CA10: variants seen among roughly 807,000 people sequenced by gnomAD.
CA10 encodes carbonic anhydrase 10 (inactive).
Under a neutral mutation model 44.2 loss-of-function variants are expected in CA10, and 14 were observed. The ratio of observed to expected loss-of-function variants is 0.32; its 90% CI spans 0.21 to 0.50. The LOEUF (loss-of-function observed/expected upper bound fraction) is 0.50, where lower values mean the gene tolerates loss of function less well. Ranked by LOEUF, CA10 falls within the 20% of genes least tolerant of loss-of-function variation. The pLI is 0.99. For synonymous variants in CA10, 159 were observed against 141.6 expected, an observed-to-expected ratio of 1.12 and a Z score of -0.87; for missense variants, 350 against 409.7, an observed-to-expected ratio of 0.85 and a Z score of 1.26.
chr17:51,661,181 C>A (rs1339284129), intron 4 of CA10, among the ~76,000 whole-genome samples: 1 of 152,170 alleles, frequency 6.6e-6, no homozygotes, highest in South Asian at 2.1e-4. Flanking sequence ...ATCTTATTGG[C>A]CCCTGTGACA....
chr17:52,004,672 C>T (rs972532916), intron 2 of CA10, among the ~76,000 whole-genome samples: 2 of 151,836 alleles, frequency 1.3e-5, no homozygotes, highest in African/African-American at 4.8e-5. Context: ...CTTATTTTCA[C>T]ATCATTTCTA....
intron 2 of CA10, among the ~76,000 whole-genome samples, chr17:52,058,752 C>T (rs1056675255): frequency 6.6e-6 from 1 of 152,156 alleles, no homozygotes; most frequent in African/African-American, 2.4e-5. Flanking sequence ...AAAGCCTTTT[C>T]TGACCCCAAA....
intron 2 of CA10, among the ~76,000 whole-genome samples, chr17:51,943,690 C>T (rs765438465): frequency 5.3e-5 from 8 of 152,260 alleles, no homozygotes; most frequent in South Asian, 2.1e-4. Context: ...AAGTCTATGG[C>T]GGGATCCAGA....
chr17:51,861,410 T>C (rs1979299883), intron 3 of CA10, among the ~76,000 whole-genome samples: 1 of 152,058 alleles, frequency 6.6e-6, no homozygotes, highest in East Asian at 1.9e-4. Flanking sequence ...AGAAAAAAGA[T>C]GTACATACAG....
chr17:51,883,253 CT>C (rs889242349), intron 3 of CA10, among the ~76,000 whole-genome samples: 1 of 152,096 alleles, frequency 6.6e-6, no homozygotes, highest in Non-Finnish European at 1.5e-5. Context: ...TTCTTTCTCT[CT>C]TCTAATTTTT....
intron 4 of CA10, among the ~76,000 whole-genome samples, chr17:51,682,602 G>A (rs190067879): frequency 2.0e-5 from 3 of 152,174 alleles, no homozygotes; most frequent in Non-Finnish European, 4.4e-5. Context: ...AAAACCCAGC[G>A]GATTCCTTCT....
At chr17:52,107,956 A>G (rs1019668832) in intron 1 of CA10, among the ~76,000 whole-genome samples, 1 of 152,072 alleles carries the variant, frequency 6.6e-6, no homozygotes, top group Non-Finnish European at 1.5e-5. Context: ...ACAACAATGT[A>G]AAATTGATTG....
intron 1 of CA10, among the ~76,000 whole-genome samples, chr17:52,077,238 G>T (rs1171362156): frequency 6.6e-6 from 1 of 152,156 alleles, no homozygotes; most frequent in Non-Finnish European, 1.5e-5. Flanking sequence ...AGAAGTCATC[G>T]TTGGGGATGA....
At chr17:51,882,056 G>T (rs1980399418) in intron 3 of CA10, among the ~76,000 whole-genome samples, 1 of 145,794 alleles carries the variant, frequency 6.9e-6, no homozygotes, top group Non-Finnish European at 1.5e-5. Context: ...GGAAAACTTC[G>T]CAGTGGCAAC....
intron 2 of CA10, among the ~76,000 whole-genome samples, chr17:51,985,646 A>T (rs1179339143): frequency 1.3e-5 from 2 of 151,976 alleles, no homozygotes; most frequent in African/African-American, 2.4e-5. Context: ...AGAACTGACA[A>T]ATTCAGCAAA....
At chr17:51,758,021 G>A (rs977427969) in intron 3 of CA10, among the ~76,000 whole-genome samples, 1 of 152,058 alleles carries the variant, frequency 6.6e-6, no homozygotes, top group Non-Finnish European at 1.5e-5. Flanking sequence ...GGTGGGATTG[G>A]GTAGGAGAGT....
intron 2 of CA10, among the ~76,000 whole-genome samples, chr17:51,974,092 A>T (rs2144074784): frequency 6.6e-6 from 1 of 152,310 alleles, no homozygotes; most frequent in Admixed American, 6.5e-5. Flanking sequence ...ATAAATTTTT[A>T]AAGAAATTAT....
chr17:51,657,836 G>C (rs1913849669), intron 4 of CA10, among the ~76,000 whole-genome samples: 1 of 152,134 alleles, frequency 6.6e-6, no homozygotes, highest in Non-Finnish European at 1.5e-5. Flanking sequence ...GACAATGAGA[G>C]CAAACTCTTC....
At chr17:51,679,299 A>AGTCGCTCTGTCG (rs1914746646) in intron 4 of CA10, among the ~76,000 whole-genome samples, 1 of 148,398 alleles carries the variant, frequency 6.7e-6, no homozygotes, top group Non-Finnish European at 1.5e-5. Flanking sequence ...TCGCTCTGTC[A>AGTCGCTCTGTCG]CCCAGGCTGG....
intron 1 of CA10, among the ~76,000 whole-genome samples, chr17:52,128,475 G>A (rs1989165742): frequency 6.6e-6 from 1 of 152,022 alleles, no homozygotes; most frequent in Admixed American, 6.5e-5. Flanking sequence ...TGGCCTTCAT[G>A]GGTCGTCCAC....
chr17:52,046,813 C>A (rs1232873551), intron 2 of CA10, among the ~76,000 whole-genome samples: 1 of 151,752 alleles, frequency 6.6e-6, no homozygotes, highest in Non-Finnish European at 1.5e-5. Context: ...TGGAATACAA[C>A]AATATATTAA....
In CA10 at chr17:51,633,555, G is replaced by A. The variant is rs1318636632; in HGVS notation, c.885C>T (p.Arg295=). ...NFRPVQPLNN[R]CIRTNINFSL... is the part of the protein sequence containing the mutation. ...TGAAGTTGATATTGGTGCGGATGCA[G>A]CGGTTGTTGAGTGGCTGGACAGGCC... Residue 295 remains arginine, a synonymous_variant, in exon 8 of 9, where the codon CGC becomes CGT. Transcript: ENST00000451037. 4 of 1,614,098 alleles carry A rather than the reference G, an allele frequency of 2.5e-6. No homozygotes were observed. The highest frequency in any genetic ancestry group is 3.4e-6 in the Non-Finnish European group (4 of 1,179,964).
chr17:51,959,280 C>CTG (rs1400750875), intron 2 of CA10, among the ~76,000 whole-genome samples: 3 of 66,512 alleles, frequency 4.5e-5, no homozygotes, highest in South Asian at 5.3e-4. Flanking sequence ...CGCTCTCTCT[C>CTG]TCTGTGTGTG....
chr17:51,850,485 C>T (rs1297706789), intron 3 of CA10, among the ~76,000 whole-genome samples: 1 of 152,182 alleles, frequency 6.6e-6, no homozygotes, highest in Admixed American at 6.5e-5. Context: ...TTCTTGACCA[C>T]TTGCAAGGGG....
Sources: allele counts gnomAD v4.1 joint callset (sites outside exome capture counted in the v4.1 genomes callset), GRCh38; gene constraint gnomAD v4.1.1; transcripts MANE v1.5; gene names NCBI Gene and HGNC (gene_info 2026-07-23, HGNC 2026-07-21).